ERI1: variants seen among roughly 807,000 people sequenced by gnomAD.
The protein encoded by ERI1 is exoribonuclease 1, also known as 3'-5' exoribonuclease 1.
A neutral mutation model predicts 39.7 loss-of-function variants in ERI1; 39 were observed. The observed-to-expected ratio is 0.98, with a 90% CI of 0.76 to 1.28. ERI1 has a LOEUF of 1.28. ERI1 is among the 50% of genes most tolerant of loss of function. ERI1 has a pLI of 0.00. For synonymous variants in ERI1, 204 were observed against 149.6 expected (o/e 1.36, Z -2.65); for missense variants, 581 against 416.9 (o/e 1.39, Z -3.43).
chr8:9,065,313 A>G (rs1266974133), intron 3 of ERI1, among the ~76,000 whole-genome samples: 1 of 151,986 alleles, frequency 6.6e-6, no homozygotes, highest in Admixed American at 6.6e-5. Flanking sequence ...CTTTGAGGTG[A>G]TGATGAACTT....
intron 3 of ERI1, among the ~76,000 whole-genome samples, chr8:9,040,443 G>A (rs74633456): frequency 6.6e-5 from 10 of 152,212 alleles, no homozygotes; most frequent in Non-Finnish European, 1.5e-4. Flanking sequence ...AGTGCCAAGT[G>A]AGCTGGGAAG....
At chr8:9,008,693 A>G (rs1047517249) in intron 2 of ERI1, among the ~76,000 whole-genome samples, 8 of 152,234 alleles carry the variant, frequency 5.3e-5, no homozygotes, top group Admixed American at 1.3e-4. Flanking sequence ...AGATATACAC[A>G]TACCTAAGTT....
At chr8:9,005,737 GC>G (rs1408053718) in intron 1 of ERI1, among the ~76,000 whole-genome samples, 1 of 151,714 alleles carries the variant, frequency 6.6e-6, no homozygotes, top group Non-Finnish European at 1.5e-5. Context: ...CTCGTTATCC[GC>G]CCGCCTCGGC....
At chr8:9,079,280 G>C (rs576588395) in intron 3 of ERI1, among the ~76,000 whole-genome samples, 3 of 152,208 alleles carry the variant, frequency 2.0e-5, no homozygotes, top group African/African-American at 7.2e-5. Flanking sequence ...CTGAAGGCAA[G>C]GGTAAGCCCT....
At chr8:9,081,816 C>T (rs781306164) in intron 3 of ERI1, among the ~76,000 whole-genome samples, 1 of 151,896 alleles carries the variant, frequency 6.6e-6, no homozygotes, top group Non-Finnish European at 1.5e-5. Flanking sequence ...AGGGGTGCTC[C>T]AAAGCCAAGA....
At chr8:9,075,246 A>G (rs1264639112) in intron 3 of ERI1, among the ~76,000 whole-genome samples, 1 of 152,236 alleles carries the variant, frequency 6.6e-6, no homozygotes, top group Non-Finnish European at 1.5e-5. Flanking sequence ...CAGTTTTGCA[A>G]GCAAGGTGAA....
chr8:9,024,940 TA>T (rs34169022), intron 6 of ERI1, among the ~76,000 whole-genome samples: 59,134 of 150,122 alleles, frequency 0.39, 13,571 homozygotes, highest in East Asian at 0.7. Flanking sequence ...TCATGCATGT[TA>T]AAAAAAAAAG....
intron 5 of ERI1, among the ~76,000 whole-genome samples, chr8:9,019,877 A>T (rs75553203): frequency 6.6e-6 from 1 of 152,336 alleles, no homozygotes; most frequent in East Asian, 1.9e-4. Context: ...CATATTACAC[A>T]ATCAGTATTG....
In ERI1 at chr8:9,047,648, A is replaced by G. The variant is rs970746679; in HGVS notation, n.299+27184A>G. The stretch of plus-strand genomic sequence containing the variant: ...CAGGAGTTTGAGGCTGCAGTGAGCT[A>G]TGATAGCACAATTGCACTCCAGCCT... On this transcript the variant is annotated intron_variant and non_coding_transcript_variant, in intron 3 of 3. Coordinates refer to the ERI1 transcript ENST00000518663. 7.9e-5 allele frequency among the ~76,000 whole-genome samples: 12 copies of G among 152,216 alleles called. 1 individual carries two copies. Among genetic ancestry groups the G allele is most frequent in the African/African-American group, 2.6e-4 (11 of 41,532 alleles).
At chr8:9,084,587 A>T (rs1799468667) in intron 3 of ERI1, among the ~76,000 whole-genome samples, 1 of 152,086 alleles carries the variant, frequency 6.6e-6, no homozygotes, top group Non-Finnish European at 1.5e-5. Flanking sequence ...CAAGATTTTG[A>T]CTAGGACTCG....
At chr8:9,037,095 TA>T (rs910890107), downstream of ERI1, among the ~76,000 whole-genome samples, 10 of 152,202 alleles carry the variant, frequency 6.6e-5, no homozygotes, top group Non-Finnish European at 1.2e-4. Flanking sequence ...ACCACTGTCA[TA>T]AAAAACCTTC....
rs1471760780 is a variant in ERI1, at chr8:9,017,337, C to G, written c.582+932C>G. On this transcript the variant is annotated intron_variant, in intron 4 of 6. Transcript: ENST00000250263. ...ACGGGCATGAGCCACCACACCTAGC[C>G]TGTTTCATGAATTTTTAGGTCTCTG... is the stretch of plus-strand genomic sequence containing the variant. Among the ~76,000 whole-genome samples the G allele has an allele frequency of 3.3e-5, 5 of 152,294 alleles. No homozygotes were observed. In the South Asian group the frequency reaches 8.3e-4, roughly 25 times the overall value.
chr8:9,020,325 T>A (rs1194700085), intron 5 of ERI1, 25 bp from the exon 6 acceptor site: 9 of 1,345,376 alleles, frequency 6.7e-6, no homozygotes, highest in Non-Finnish European at 7.2e-6. Flanking sequence ...ATTTCATCAA[T>A]TTTTTGTCCT....
chr8:9,052,731 C>G (rs1476639180), intron 3 of ERI1, among the ~76,000 whole-genome samples: 1 of 152,110 alleles, frequency 6.6e-6, no homozygotes, highest in Admixed American at 6.6e-5. Context: ...GGTCTTTATC[C>G]CTGACTCCTG....
intron 3 of ERI1, among the ~76,000 whole-genome samples, chr8:9,095,343 C>T (rs957719253): frequency 6.6e-6 from 1 of 152,130 alleles, no homozygotes; most frequent in African/African-American, 2.4e-5. Context: ...CTTTTCAGTC[C>T]TTCCCGTTCT....
intron 6 of ERI1, among the ~76,000 whole-genome samples, chr8:9,024,541 G>T (rs896628925): frequency 6.6e-6 from 1 of 151,834 alleles, no homozygotes; most frequent in South Asian, 2.1e-4. Flanking sequence ...CTGCCTCAGC[G>T]TCTCAAGTAG....
intron 6 of ERI1, among the ~76,000 whole-genome samples, chr8:9,026,650 A>G (rs969067560): frequency 2.0e-5 from 3 of 152,206 alleles, no homozygotes; most frequent in African/African-American, 7.2e-5. Context: ...GAAATGCTCC[A>G]AAAATCTGAA....
chr8:9,082,197 T>C (rs1799392477), intron 3 of ERI1, among the ~76,000 whole-genome samples: 1 of 152,230 alleles, frequency 6.6e-6, no homozygotes, highest in Non-Finnish European at 1.5e-5. Flanking sequence ...GGAAGGAGAA[T>C]GGAGACCCTC....
chr8:9,087,546 G>A (rs1585298591), intron 3 of ERI1, among the ~76,000 whole-genome samples: 1 of 151,036 alleles, frequency 6.6e-6, no homozygotes, highest in Non-Finnish European at 1.5e-5. Flanking sequence ...TTGAGCCACT[G>A]CACCCTGCCC....
Sources: allele counts gnomAD v4.1 joint callset (sites outside exome capture counted in the v4.1 genomes callset), GRCh38; gene constraint gnomAD v4.1.1; transcripts MANE v1.5; gene names NCBI Gene and HGNC (gene_info 2026-07-23, HGNC 2026-07-21).